CLCN5: variants seen among roughly 807,000 people sequenced by gnomAD.
CLCN5 encodes H(+)/Cl(-) exchange transporter 5.
CLCN5 carries 17 observed loss-of-function variants against 54.0 expected under a neutral mutation model. The ratio of observed to expected loss-of-function variants is 0.31; its 90% CI spans 0.22 to 0.47. CLCN5 has a LOEUF of 0.47. Ranked by LOEUF, CLCN5 falls within the 20% of genes least tolerant of loss-of-function variation. CLCN5 has a pLI of 1.00. For missense variants in CLCN5, 448 were observed against 646.7 expected, an observed-to-expected ratio of 0.69 and a Z score of 3.33; for synonymous variants, 222 against 233.0, an observed-to-expected ratio of 0.95 and a Z score of 0.43.
At chrX:50,014,919 A>G (rs1435860630) in intron 3 of CLCN5, among the ~76,000 whole-genome samples, 1 of 111,545 alleles carries the variant, frequency 9.0e-6, no homozygotes, top group Non-Finnish European at 1.9e-5. Flanking sequence ...CCTGCTGTCC[A>G]CACACAGGGT....
At chrX:49,940,269 AG>A (rs1926257371) in intron 3 of CLCN5, among the ~76,000 whole-genome samples, 1 of 112,113 alleles carries the variant, frequency 8.9e-6, no homozygotes, top group African/African-American at 3.2e-5. Context: ...TGGTCAATAA[AG>A]GGTTGTTACG....
intron 3 of CLCN5, among the ~76,000 whole-genome samples, chrX:49,980,194 G>A (rs34677714): frequency 0.045 from 4,941 of 110,382 alleles, 283 homozygotes; most frequent in African/African-American, 0.16. Flanking sequence ...CTACTTTTAG[G>A]AATACCTAAC....
intron 4 of CLCN5, among the ~76,000 whole-genome samples, chrX:50,058,215 T>C (rs1557189343): frequency 1.8e-5 from 2 of 111,779 alleles, no homozygotes; most frequent in African/African-American, 6.5e-5. Context: ...TTTATTTCTT[T>C]AGGTTGTTGC....
intron 3 of CLCN5, among the ~76,000 whole-genome samples, chrX:49,939,436 C>G (rs1321709860): frequency 1.8e-5 from 2 of 111,469 alleles, no homozygotes; most frequent in Non-Finnish European, 3.8e-5. Context: ...GACACATATA[C>G]ACGATGGGAT....
At chrX:49,985,857 A>G (rs1277389084) in intron 3 of CLCN5, among the ~76,000 whole-genome samples, 2 of 111,680 alleles carry the variant, frequency 1.8e-5, no homozygotes, top group Admixed American at 9.5e-5. Flanking sequence ...TTATAACTAG[A>G]GTCAGATTTT....
At chrX:49,946,823 CT>C (rs111813141) in intron 3 of CLCN5, among the ~76,000 whole-genome samples, 8,332 of 109,127 alleles carry the variant, frequency 0.076, 841 homozygotes, top group African/African-American at 0.26. Context: ...TTTTCTTTTT[CT>C]TTTTTTTTAT....
Position 50,090,356 on chromosome X carries a change from A to T in CLCN5, c.1985A>T (p.Asp662Val). Residue 662 changes from aspartate to valine, a missense_variant, in exon 13 of 15, where the codon GAT becomes GTT. Physicochemically the swap from Asp to Val is radical, Grantham distance 152. This residue lies in a region of CLCN5 where 297 missense variants were observed against 470.4 expected (regional missense o/e 0.63). Transcript: ENST00000376091. Reference sequence around the variant, plus strand: ...GATGTGATGAAACCCCGGAGAAATGATCCTTTGTTGACTGTCCTTACTCAG... The same window carrying T: ...GATGTGATGAAACCCCGGAGAAATGTTCCTTTGTTGACTGTCCTTACTCAG... ...AMDVMKPRRNDPLLTVLTQDS... is the reference protein window; with the variant it reads ...AMDVMKPRRNVPLLTVLTQDS... 2 of 1,211,494 alleles carry T rather than the reference A, an allele frequency of 1.7e-6. No homozygotes were observed. The highest frequency in any genetic ancestry group is 2.2e-6 in the Non-Finnish European group (2 of 895,404).
intron 3 of CLCN5, among the ~76,000 whole-genome samples, chrX:49,987,085 A>G (rs1438543387): frequency 8.9e-6 from 1 of 112,670 alleles, no homozygotes; most frequent in African/African-American, 3.2e-5. Flanking sequence ...CCAAAAGCCC[A>G]AAGCATCAGA....
At chrX:50,071,013 C>A (rs1029349201) in intron 5 of CLCN5, among the ~76,000 whole-genome samples, 1 of 110,452 alleles carries the variant, frequency 9.1e-6, no homozygotes, top group Non-Finnish European at 1.9e-5. Context: ...TTCTTTCTTA[C>A]TATTTCTGCT....
At position 50,081,802 on chromosome X, in the gene CLCN5, C is replaced by T. The variant is rs1933713879; in HGVS notation, c.888C>T (p.Cys296=). 1.7e-6 allele frequency: 2 copies of T among 1,209,496 alleles called. No individual in the cohort carries two copies. The highest frequency in any genetic ancestry group is 2.2e-6 in the Non-Finnish European group (2 of 895,002). The part of the protein sequence containing the change: ...HVACCCGNIL[C]HCFNKYRKNE... ...CTTGCTGCTGTGGGAACATCCTGTGCCACTGCTTCAACAAATACAGGAAGA... is the reference window on the plus strand; with the variant it reads ...CTTGCTGCTGTGGGAACATCCTGTGTCACTGCTTCAACAAATACAGGAAGA... Residue 296 remains cysteine (C), a synonymous_variant, in exon 9 of 15, where the codon TGC becomes TGT. Coordinates refer to ENST00000376091, the MANE Select transcript of CLCN5 (RefSeq NM_001127898.4).
At chrX:49,971,786 A>G (rs1036960287) in intron 3 of CLCN5, among the ~76,000 whole-genome samples, 8 of 111,872 alleles carry the variant, frequency 7.2e-5, no homozygotes, top group African/African-American at 2.3e-4. Context: ...TCGTGCTAAG[A>G]TTTAGCAGAT....
intron 4 of CLCN5, among the ~76,000 whole-genome samples, chrX:50,065,473 C>T (rs1446016682): frequency 2.1e-5 from 2 of 93,843 alleles, no homozygotes; most frequent in African/African-American, 4.1e-5. Flanking sequence ...TATCATCTCA[C>T]ACCAGTTAGA....
intron 4 of CLCN5, among the ~76,000 whole-genome samples, chrX:50,057,642 A>T (rs1557189186): frequency 4.0e-5 from 3 of 74,448 alleles, no homozygotes; most frequent in Non-Finnish European, 7.7e-5. Context: ...ACTCTCCTGG[A>T]TAGATACTAT....
intron 3 of CLCN5, among the ~76,000 whole-genome samples, chrX:50,031,183 A>G (rs17174055): frequency 0.076 from 8,325 of 110,080 alleles, 752 homozygotes; most frequent in African/African-American, 0.28. Context: ...AAAGCCATTA[A>G]AAAACAAATT....
rs1388977374 is a variant in CLCN5, at chrX:50,065,760, G to C, written c.164-4119G>C. ...CACAATAGCAAAGACTTGGAACCAA[G>C]CCAAATGTCCAACAATGATAGACTG... On this transcript the variant is annotated intron_variant, in intron 4 of 14. Coordinates refer to ENST00000376091, the MANE Select transcript of CLCN5 (RefSeq NM_001127898.4). 5.0e-3 allele frequency among the ~76,000 whole-genome samples: 524 copies of C among 104,291 alleles called. 5 individuals are homozygous for C. Among genetic ancestry groups the C allele is most frequent in the Middle Eastern group, 9.8e-3 (2 of 204 alleles). 90.6% of individuals were successfully genotyped at this position (104,291 alleles called of 115,157 possible).
intron 5 of CLCN5, among the ~76,000 whole-genome samples, chrX:50,071,195 A>G (rs1434917799): frequency 4.5e-5 from 5 of 110,772 alleles, no homozygotes; most frequent in African/African-American, 1.6e-4. Context: ...TGAACCCAGG[A>G]GTCAGGTTGT....
chrX:50,059,767 TA>T (rs1290384041), intron 4 of CLCN5, among the ~76,000 whole-genome samples: 3 of 101,129 alleles, frequency 3.0e-5, no homozygotes, highest in Admixed American at 1.1e-4. Context: ...GTACATGGAA[TA>T]AAAAAAAAAG....
At chrX:49,982,564 A>T (rs1384857999) in intron 3 of CLCN5, among the ~76,000 whole-genome samples, 2 of 111,910 alleles carry the variant, frequency 1.8e-5, no homozygotes, top group African/African-American at 3.2e-5. Flanking sequence ...ACTGAGTTAC[A>T]TACACATAAA....
At chrX:50,091,435 G>C (rs1306164496) in intron 14 of CLCN5, among the ~76,000 whole-genome samples, 1 of 112,080 alleles carries the variant, frequency 8.9e-6, no homozygotes, top group Non-Finnish European at 1.9e-5. Flanking sequence ...AGGTTGAGGA[G>C]AGGGGTGGAT....
Sources: allele counts gnomAD v4.1 joint callset (sites outside exome capture counted in the v4.1 genomes callset), GRCh38; gene constraint gnomAD v4.1.1; regional missense constraint gnomAD v4.1.1; transcripts MANE v1.5; gene names NCBI Gene and HGNC (gene_info 2026-07-23, HGNC 2026-07-21).